Variants in EXOSC2 observed in about 807,000 individuals in gnomAD.
The protein encoded by EXOSC2 is exosome complex component RRP4.
Under a neutral mutation model 37.6 loss-of-function variants are expected in EXOSC2, and 29 were observed. The observed-to-expected ratio is 0.77, with a 90% CI of 0.57 to 1.05. The LOEUF is 1.05. Among genes scored for constraint, EXOSC2 ranks in the 50% least tolerant of loss-of-function variants. The pLI is 0.00. For synonymous variants in EXOSC2, 119 were observed against 131.1 expected (o/e 0.91, Z 0.63); for missense variants, 346 against 365.6 (o/e 0.95, Z 0.44).
At position 130,698,930 on chromosome 9, in the gene EXOSC2, G is replaced by A. The variant is rs1024456039; in HGVS notation, c.361-399G>A. 7.2e-5 allele frequency among the ~76,000 whole-genome samples: 11 copies of A among 152,208 alleles called. No individual in the cohort carries two copies. Among genetic ancestry groups the A allele is most frequent in the African/African-American group, 2.4e-4 (10 of 41,450 alleles). ...CATTGGAGTTGATCCTGGAAGGATG[G>A]AGAGACTTTGAATGACTAGTTCAGG... On this transcript the variant is annotated intron_variant, in intron 4 of 8. Transcript: ENST00000372358. This position sits in a 1 kb window ranked among gnomAD's most constrained non-coding sequence, Gnocchi z 4.1.
At chr9:130,700,709 G>A (rs1279050072) in intron 5 of EXOSC2, 158 bp from the exon 6 acceptor site, 2 of 606,118 alleles carry the variant, frequency 3.3e-6, no homozygotes. Flanking sequence ...AAGGGGAGAG[G>A]TAAGGTCACA....
At chr9:130,697,487 G>A in intron 2 of EXOSC2, 95 bp from the exon 3 acceptor site, 2 of 1,240,426 alleles carry the variant, frequency 1.6e-6, no homozygotes, top group South Asian at 2.4e-5. Context: ...CCTGTTCCAG[G>A]CTTTCACCCT....
chr9:130,696,095 T>G (rs1330526819), intron 2 of EXOSC2, among the ~76,000 whole-genome samples: 1 of 152,156 alleles, frequency 6.6e-6, no homozygotes, highest in African/African-American at 2.4e-5. Context: ...ACTGCTGACC[T>G]CTGATGATTT....
rs904539076 is a variant in EXOSC2, at chr9:130,694,890, T to TA, written c.123-601dup. ...GCTAATTTTTGGTTTTTTTTTTTTT[T>TA]AGTAGAGACAGGGTTTCACTGTGTT... On this transcript the variant is annotated intron_variant, in intron 1 of 8. Transcript: ENST00000372358. The surrounding 1 kb of genome is among the most constrained non-coding windows in gnomAD (Gnocchi z 4.0). Among the ~76,000 whole-genome samples the TA allele has an allele frequency of 6.6e-6, 1 of 151,618 alleles. No individual in the cohort carries two copies. Among genetic ancestry groups the TA allele is most frequent in the Non-Finnish European group, 1.5e-5 (1 of 67,890 alleles).
At chr9:130,703,583 T>C in intron 8 of EXOSC2, 111 bp from the exon 9 acceptor site, 1 of 810,344 alleles carries the variant, frequency 1.2e-6, no homozygotes, top group South Asian at 1.8e-5. Flanking sequence ...CTCTGAGACA[T>C]GAAAGGAATA....
rs372103425 is a variant in EXOSC2 at position 130,698,619 on chromosome 9, G to A, written c.360+368G>A. Among the ~76,000 whole-genome samples, 66 of 152,298 alleles carry A rather than the reference G, an allele frequency of 4.3e-4. 1 individual carries two copies. The highest frequency in any genetic ancestry group is 1.5e-3 in the African/African-American group (61 of 41,570). On this transcript the variant is annotated intron_variant, in intron 4 of 8. Coordinates refer to ENST00000372358, the MANE Select transcript of EXOSC2 (RefSeq NM_014285.7). The surrounding 1 kb of genome is among the most constrained non-coding windows in gnomAD (Gnocchi z 4.1). Reference sequence around the variant, plus strand: ...TACATTAGGTTTTTGTGAATTGAAAGGCATTTCATTCAACCATGTGTGGAA... The same window carrying A: ...TACATTAGGTTTTTGTGAATTGAAAAGCATTTCATTCAACCATGTGTGGAA...
At position 130,703,074 on chromosome 9, in the gene EXOSC2, G is replaced by A. The variant is rs1831253525; in HGVS notation, c.694G>A (p.Glu232Lys). ...NLEPVSLADR[E>K]VISRLRNCII... The stretch of plus-strand genomic sequence containing the variant: ...ATAGCCTGTCTCTCTTGCTGATCGA[G>A]AGGTGATATCCCGGCTTCGGAACTG... The change falls in exon 8 of 9, where the codon GAG becomes AAG. Residue 232 changes from glutamate to lysine, a missense_variant. Physicochemically the swap from Glu to Lys is moderately conservative, Grantham distance 56 (BLOSUM62 1). Transcript: ENST00000372358. 2.5e-6 allele frequency: 4 copies of A among 1,613,728 alleles called. No homozygotes were observed. Among genetic ancestry groups the A allele is most frequent in the Non-Finnish European group, 2.5e-6 (3 of 1,179,850 alleles).
At chr9:130,702,915 G>A (rs2132644367) in intron 7 of EXOSC2, 138 bp from the exon 8 acceptor site, 2 of 1,047,034 alleles carry the variant, frequency 1.9e-6, no homozygotes, top group Non-Finnish European at 2.8e-6. Flanking sequence ...ATCTCCCTTG[G>A]AATTAGCTGT....
At position 130,693,855 on chromosome 9, in the gene EXOSC2, A is replaced by T; in HGVS notation, c.64A>T (p.Thr22Ser). The T allele has an allele frequency of 6.2e-7, 1 of 1,612,526 alleles. No individual in the cohort carries two copies. Among genetic ancestry groups the T allele is most frequent in the Non-Finnish European group, 8.5e-7 (1 of 1,179,004 alleles). The change falls in exon 1 of 9, where the codon ACT becomes TCT. Residue 22 changes from threonine (T) to serine (S), a missense_variant. Thr to Ser is a moderately conservative substitution (Grantham distance 58). Coordinates refer to ENST00000372358, the MANE Select transcript of EXOSC2 (RefSeq NM_014285.7). Reference sequence around the variant, plus strand: ...TCTTAGCGAGAGACTGGGCCGCGACACTAAGAAACATCTAGTGGTGCCGGG... The same window carrying T: ...TCTTAGCGAGAGACTGGGCCGCGACTCTAAGAAACATCTAGTGGTGCCGGG... ...KPLSERLGRD[T>S]KKHLVVPGDT...
intron 5 of EXOSC2, 38 bp from the exon 6 acceptor site, chr9:130,700,829 G>T (rs1254834441): frequency 3.7e-6 from 6 of 1,607,900 alleles, no homozygotes; most frequent in Non-Finnish European, 5.1e-6. Flanking sequence ...ACAGTGTGTG[G>T]CCAAGGCTGC....
intron 2 of EXOSC2, 115 bp from the exon 3 acceptor site, chr9:130,697,467 G>A: frequency 1.0e-6 from 1 of 967,646 alleles, no homozygotes; most frequent in Non-Finnish European, 1.7e-6. Context: ...TGAATTTGCT[G>A]AATGTGGCGC....
rs1473948174 is a variant in EXOSC2, at chr9:130,704,337, C to G, written c.*563C>G. On this transcript the variant is annotated 3_prime_UTR_variant, in exon 9 of 9. Transcript: ENST00000372358. ...CTGAGGTCAATAGTTCGAGACCAGCCTGGCCAACAAGGTGAAACCCCATCT... is the reference window on the plus strand; with the variant it reads ...CTGAGGTCAATAGTTCGAGACCAGCGTGGCCAACAAGGTGAAACCCCATCT... 1 of 152,366 alleles carries G rather than the reference C, an allele frequency of 6.6e-6. No homozygotes were observed. The highest frequency in any genetic ancestry group is 1.5e-5 in the Non-Finnish European group (1 of 68,178). 9.4% of individuals were successfully genotyped at this position (152,366 alleles called of 1,614,324 possible). A position where few individuals can be genotyped will look rare whatever the true frequency, so the allele number is the denominator to read the frequency against.
chr9:130,697,390 A>G (rs1410342874), intron 2 of EXOSC2, among the ~76,000 whole-genome samples, 192 bp from the exon 3 acceptor site: 1 of 152,220 alleles, frequency 6.6e-6, no homozygotes, highest in Admixed American at 6.5e-5. Context: ...GTTAATGGAG[A>G]CTTTATACGT....
chr9:130,698,333 T>C lies in EXOSC2; in HGVS notation c.360+82T>C. 1.2e-5 allele frequency: 15 copies of C among 1,303,190 alleles called. No homozygotes were observed. Among genetic ancestry groups the C allele is most frequent in the Non-Finnish European group, 1.6e-5 (15 of 913,060 alleles). The allele number at this position is 1,303,190 out of a possible 1,614,324, so 80.7% of individuals were successfully genotyped here. A position where few individuals can be genotyped will look rare whatever the true frequency, so the allele number is the denominator to read the frequency against. ...GGACCCTTTGTTCCACCAGAGGACT[T>C]TGATTTACACTGAGGTTGCCCCTTT... is the stretch of plus-strand genomic sequence containing the variant. On this transcript the variant is annotated intron_variant, in intron 4 of 8. Transcript: ENST00000372358. The surrounding 1 kb of genome is among the most constrained non-coding windows in gnomAD (Gnocchi z 4.1).
At chr9:130,700,462 C>T (rs192023054) in intron 5 of EXOSC2, among the ~76,000 whole-genome samples, 6 of 151,920 alleles carry the variant, frequency 3.9e-5, no homozygotes, top group East Asian at 1.9e-4. Context: ...CGGGTTCAAG[C>T]GATTCTCCTG....
intron 6 of EXOSC2, 133 bp from the exon 7 acceptor site, chr9:130,702,001 T>C (rs1245216400): frequency 1.4e-6 from 2 of 1,456,746 alleles, no homozygotes; most frequent in Non-Finnish European, 1.8e-6. Context: ...ACTATGTGTA[T>C]GCATGTAGGC....
Position 130,694,410 on chromosome 9 carries a change from G to A in EXOSC2, c.122+497G>A, listed in dbSNP as rs956550160. On this transcript the variant is annotated intron_variant, in intron 1 of 8. Coordinates refer to ENST00000372358, the MANE Select transcript of EXOSC2 (RefSeq NM_014285.7). The surrounding 1 kb of genome is among the most constrained non-coding windows in gnomAD (Gnocchi z 4.0). ...GTAGTGCAGTGTATTGTGGTTAAGA[G>A]GGAAGGCTCTTGAGTCAGACAGTTG... is the stretch of plus-strand genomic sequence containing the variant. Among the ~76,000 whole-genome samples the A allele has an allele frequency of 6.6e-6, 1 of 152,154 alleles. No individual in the cohort carries two copies. The highest frequency in any genetic ancestry group is 2.4e-5 in the African/African-American group (1 of 41,410).
rs115530350 is a variant in EXOSC2 at position 130,702,261 on chromosome 9, C to T, written c.623C>T (p.Thr208Ile). 61 of 1,614,152 alleles carry T rather than the reference C, an allele frequency of 3.8e-5. No homozygotes were observed. In the African/African-American group the frequency reaches 6.9e-4, roughly 18 times the overall value. The change falls in exon 7 of 9, where the codon ACA becomes ATA. Residue 208 changes from threonine to isoleucine, a missense_variant. Transcript: ENST00000372358. ...GNNGFIWIYP[T>I]PEHKEEEAGG... ...AACGGCTTCATCTGGATTTACCCAA[C>T]ACCTGAGCACAAAGAAGAGGAAGCA... is the stretch of plus-strand genomic sequence containing the variant.
rs946751035 is a variant in EXOSC2, at chr9:130,698,784, C to T, written c.360+533C>T. ...CAAGCTCTGTGCCGAGTGCCAAGCA[C>T]GATTGAGTTCCCCAGCAGGGGATAT... On this transcript the variant is annotated intron_variant, in intron 4 of 8. Transcript: ENST00000372358. This position sits in a 1 kb window ranked among gnomAD's most constrained non-coding sequence, Gnocchi z 4.1. Among the ~76,000 whole-genome samples, 5 of 152,208 alleles carry T rather than the reference C, an allele frequency of 3.3e-5. No individual in the cohort carries two copies. The highest frequency in any genetic ancestry group is 3.9e-4 in the East Asian group (2 of 5,174).
Sources: allele counts gnomAD v4.1 joint callset (sites outside exome capture counted in the v4.1 genomes callset), GRCh38; gene constraint gnomAD v4.1.1; non-coding constraint Gnocchi (gnomAD v3.1); transcripts MANE v1.5; gene names NCBI Gene and HGNC (gene_info 2026-07-23, HGNC 2026-07-21).